The following PLCB4 variants were observed in gnomAD, a reference collection of about 807,000 sequenced individuals.
The protein encoded by PLCB4 is 1-phosphatidylinositol 4,5-bisphosphate phosphodiesterase beta-4.
PLCB4 carries 77 observed loss-of-function variants against 178.8 expected under a neutral mutation model. The observed-to-expected ratio is 0.43, with a 90% CI of 0.36 to 0.52. The LOEUF is 0.52. Ranked by LOEUF, PLCB4 falls within the 20% of genes least tolerant of loss-of-function variation. The pLI, the probability that PLCB4 is intolerant of heterozygous loss-of-function variation, is 0.00. For missense variants in PLCB4, 1,024 were observed against 1,453.4 expected (o/e 0.70, Z 4.80); for synonymous variants, 496 against 490.8 (o/e 1.01, Z -0.14).
intron 3 of PLCB4, among the ~76,000 whole-genome samples, chr20:9,248,741 G>T (rs759765945): frequency 6.6e-5 from 10 of 152,018 alleles, no homozygotes; most frequent in Non-Finnish European, 1.3e-4. Context: ...ATTCCCTAAG[G>T]CTCAACTTCA....
At chr20:9,274,970 T>A (rs2094438397) in intron 3 of PLCB4, among the ~76,000 whole-genome samples, 1 of 152,106 alleles carries the variant, frequency 6.6e-6, no homozygotes, top group Admixed American at 6.6e-5. Flanking sequence ...AAAAAATCTT[T>A]CCAATTCAGA....
intron 2 of PLCB4, among the ~76,000 whole-genome samples, chr20:9,200,021 T>A (rs146029273): frequency 1.4e-5 from 2 of 145,136 alleles, no homozygotes; most frequent in East Asian, 3.9e-4. Context: ...GTATTCTGAT[T>A]TTGATCTTTA....
intron 4 of PLCB4, among the ~76,000 whole-genome samples, chr20:9,317,837 G>C (rs1177110555): frequency 6.6e-6 from 1 of 152,214 alleles, no homozygotes; most frequent in African/African-American, 2.4e-5. Flanking sequence ...GGTGGCTCAC[G>C]CCTGTAATCC....
At chr20:9,160,193 G>T (rs1472693111) in intron 2 of PLCB4, among the ~76,000 whole-genome samples, 1 of 152,198 alleles carries the variant, frequency 6.6e-6, no homozygotes, top group African/African-American at 2.4e-5. Flanking sequence ...AGTGTGGGGG[G>T]TGGGTCTCTA....
At chr20:9,451,048 T>C (rs886953553) in intron 32 of PLCB4, among the ~76,000 whole-genome samples, 2 of 152,202 alleles carry the variant, frequency 1.3e-5, no homozygotes, top group Non-Finnish European at 2.9e-5. Context: ...GACCAGAATC[T>C]AAGTCCTCTT....
chr20:9,280,414 T>C (rs1270384562), intron 3 of PLCB4: 1 of 977,430 alleles, frequency 1.0e-6, no homozygotes. Flanking sequence ...ACAAAGATAT[T>C]GTGTTCTCCA....
At chr20:9,339,662 C>G (rs566921039) in intron 7 of PLCB4, among the ~76,000 whole-genome samples, 1 of 152,004 alleles carries the variant, frequency 6.6e-6, no homozygotes, top group Non-Finnish European at 1.5e-5. Flanking sequence ...TCTTAGAAAT[C>G]TGATGTGTAT....
At chr20:9,326,020 TG>T (rs143644930) in intron 4 of PLCB4, among the ~76,000 whole-genome samples, 2,535 of 152,194 alleles carry the variant, frequency 0.017, 69 homozygotes, top group African/African-American at 0.058. Flanking sequence ...CTTCACACGG[TG>T]GGTGAAAGGG....
intron 25 of PLCB4, among the ~76,000 whole-genome samples, chr20:9,416,720 T>C (rs2040274595): frequency 6.6e-6 from 1 of 152,224 alleles, no homozygotes; most frequent in African/African-American, 2.4e-5. Flanking sequence ...AGAGCTTTTA[T>C]ATTAATATTG....
chr20:9,430,117 A>G (rs377175220), intron 28 of PLCB4, among the ~76,000 whole-genome samples: 1 of 152,188 alleles, frequency 6.6e-6, no homozygotes, highest in East Asian at 1.9e-4. Context: ...AAGTTTGTGC[A>G]TAATTCTCAT....
intron 1 of PLCB4, among the ~76,000 whole-genome samples, chr20:9,079,500 C>T (rs1322210592): frequency 6.6e-6 from 1 of 152,158 alleles, no homozygotes; most frequent in African/African-American, 2.4e-5. Context: ...CTCTGCCTGT[C>T]CCCTAAACGC....
chr20:9,306,486 A>G (rs536640197), intron 3 of PLCB4, among the ~76,000 whole-genome samples: 2 of 152,214 alleles, frequency 1.3e-5, no homozygotes, highest in South Asian at 2.1e-4. Context: ...CAGCTCATCT[A>G]TTAAGTTTTA....
At chr20:9,298,397 A>G (rs1269158968) in intron 3 of PLCB4, among the ~76,000 whole-genome samples, 2 of 152,260 alleles carry the variant, frequency 1.3e-5, no homozygotes, top group East Asian at 3.9e-4. Flanking sequence ...AGAGGGTCTC[A>G]GACATGAACT....
intron 2 of PLCB4, among the ~76,000 whole-genome samples, chr20:9,210,785 T>C (rs890237064): frequency 6.6e-6 from 1 of 152,050 alleles, no homozygotes; most frequent in African/African-American, 2.4e-5. Context: ...AGAGAATTAG[T>C]ATATGGGGGC....
At chr20:9,190,262 A>G (rs1441266537) in intron 2 of PLCB4, among the ~76,000 whole-genome samples, 1 of 151,990 alleles carries the variant, frequency 6.6e-6, no homozygotes, top group Non-Finnish European at 1.5e-5. Context: ...TCTCATCTCA[A>G]ATTGTAATCC....
chr20:9,156,842 TCC>T, intron 2 of PLCB4, among the ~76,000 whole-genome samples: 1 of 43,256 alleles, frequency 2.3e-5, no homozygotes, highest in Non-Finnish European at 4.4e-5. Context: ...CCTCCCTCCC[TCC>T]CTCCCTCCCT....
intron 28 of PLCB4, among the ~76,000 whole-genome samples, chr20:9,426,232 A>G (rs929910229): frequency 4.6e-5 from 7 of 152,218 alleles, no homozygotes; most frequent in Non-Finnish European, 1.0e-4. Context: ...ACAAATATGC[A>G]TAGCAGGTTT....
chr20:9,278,833 A>G (rs1421834735), intron 3 of PLCB4, among the ~76,000 whole-genome samples: 1 of 152,086 alleles, frequency 6.6e-6, no homozygotes, highest in Non-Finnish European at 1.5e-5. Context: ...TGTCTCACTC[A>G]CACAAGGCCT....
At chr20:9,258,987 C>A (rs774051984) in intron 3 of PLCB4, among the ~76,000 whole-genome samples, 1 of 151,868 alleles carries the variant, frequency 6.6e-6, no homozygotes, top group African/African-American at 2.4e-5. Flanking sequence ...AAAACTAGAC[C>A]AAGGAATGCA....
Sources: gnomAD v4.1 joint callset for allele counts (sites outside exome capture counted in the v4.1 genomes callset) on GRCh38, gnomAD v4.1.1 for gene constraint, MANE v1.5 for transcripts, NCBI Gene and HGNC (gene_info 2026-07-23, HGNC 2026-07-21) for gene names.